The following CCDC171 variants were observed in gnomAD, a reference collection of about 807,000 sequenced individuals.
The protein encoded by CCDC171 is coiled-coil domain-containing protein 171.
In CCDC171, 177 loss-of-function variants were observed where a neutral mutation model predicts 168.2. That is an observed-to-expected ratio of 1.05 (90% confidence interval 0.93 to 1.19). The LOEUF (loss-of-function observed/expected upper bound fraction) is 1.19, where lower values mean the gene tolerates loss of function less well. Among genes scored for constraint, CCDC171 ranks in the 50% most tolerant of loss-of-function variants. The pLI, the probability that CCDC171 is intolerant of heterozygous loss-of-function variation, is 0.00. For missense variants in CCDC171, 1,991 were observed against 1,539.0 expected, an observed-to-expected ratio of 1.29 and a Z score of -4.91; for synonymous variants, 687 against 540.8, an observed-to-expected ratio of 1.27 and a Z score of -3.75.
chr9:15,919,751 A>G (rs1355599132), intron 24 of CCDC171, among the ~76,000 whole-genome samples: 3 of 151,652 alleles, frequency 2.0e-5, no homozygotes, highest in African/African-American at 4.8e-5. Context: ...TGTTACATGA[A>G]TCAACATAAT....
chr9:15,856,066 A>G (rs1311165350), intron 23 of CCDC171, among the ~76,000 whole-genome samples: 1 of 150,222 alleles, frequency 6.7e-6, no homozygotes, highest in East Asian at 2.0e-4. Context: ...TCATTTCAGG[A>G]CTCCCTTTAG....
At chr9:15,709,768 G>T (rs1053181992) in intron 11 of CCDC171, among the ~76,000 whole-genome samples, 1 of 152,072 alleles carries the variant, frequency 6.6e-6, no homozygotes, top group African/African-American at 2.4e-5. Context: ...CCTCAGTAAA[G>T]TTTACTTCAA....
chr9:15,827,962 G>T (rs2060082428), intron 21 of CCDC171, among the ~76,000 whole-genome samples: 1 of 152,184 alleles, frequency 6.6e-6, no homozygotes. Context: ...AAAATCTGAG[G>T]TGAGGACCTT....
At chr9:15,665,936 T>A (rs1385567243) in intron 8 of CCDC171, among the ~76,000 whole-genome samples, 1 of 152,232 alleles carries the variant, frequency 6.6e-6, no homozygotes, top group Non-Finnish European at 1.5e-5. Flanking sequence ...CAGCCTATCT[T>A]TCATAACACA....
At position 15,631,246 on chromosome 9, in the gene CCDC171, A is replaced by C. The variant is rs188171788; in HGVS notation, c.822+7833A>C. Among the ~76,000 whole-genome samples the C allele has an allele frequency of 6.4e-4, 97 of 152,062 alleles. 1 individual carries two copies. The highest frequency in any genetic ancestry group is 1.0e-3 in the Admixed American group (16 of 15,256). On this transcript the variant is annotated intron_variant, in intron 7 of 25. Coordinates refer to ENST00000380701, the MANE Select transcript of CCDC171 (RefSeq NM_173550.4). ...ATGAATCCAGAAGCTGGTTTTTTGA[A>C]AAGATCAACAAAATTGATAGACAGC...
intron 6 of CCDC171, among the ~76,000 whole-genome samples, chr9:15,617,955 A>C (rs1423299847): frequency 6.6e-6 from 1 of 152,118 alleles, no homozygotes; most frequent in African/African-American, 2.4e-5. Context: ...CCCTATTGGG[A>C]GGTCTCTCCC....
At chr9:15,690,047 A>G (rs1437231571) in intron 10 of CCDC171, among the ~76,000 whole-genome samples, 2 of 152,216 alleles carry the variant, frequency 1.3e-5, no homozygotes, top group African/African-American at 4.8e-5. Flanking sequence ...CGACAGAGGG[A>G]AACTCCATCT....
In CCDC171 at chr9:15,805,010, C is replaced by A. The variant is rs532730637; in HGVS notation, c.3267+20316C>A. 1.4e-3 allele frequency among the ~76,000 whole-genome samples: 215 copies of A among 151,738 alleles called. 1 individual carries two copies. The highest frequency in any genetic ancestry group is 5.0e-3 in the African/African-American group (206 of 41,146). Reference sequence around the variant, plus strand: ...GGGTATATGTGTCAAGGAATTTATCCATTTCTTCTAGATTTTCTAGTTTAT... The same window carrying A: ...GGGTATATGTGTCAAGGAATTTATCAATTTCTTCTAGATTTTCTAGTTTAT... On this transcript the variant is annotated intron_variant, in intron 21 of 25. Coordinates refer to ENST00000380701, the MANE Select transcript of CCDC171 (RefSeq NM_173550.4).
Position 15,744,412 on chromosome 9 carries a change from C to T in CCDC171, c.2189C>T (p.Ala730Val). The T allele has an allele frequency of 6.2e-7, 1 of 1,614,148 alleles. No homozygotes were observed. Among genetic ancestry groups the T allele is most frequent in the African/African-American group, 1.3e-5 (1 of 75,054 alleles). The change falls in exon 17 of 26, where the codon GCC becomes GTC. Residue 730 changes from alanine (A) to valine (V), a missense_variant. By Grantham distance (64) the Ala-to-Val change is moderately conservative. Transcript: ENST00000380701. The stretch of plus-strand genomic sequence containing the variant: ...AGGGAACAGATGTCCTTGCTGGCAG[C>T]CTGTGCATTAATGGCTGGTGCCTTA... ...TQREQMSLLAACALMAGALYP... is the reference protein window; with the variant it reads ...TQREQMSLLAVCALMAGALYP...
chr9:15,665,608 C>G (rs1437734806), intron 8 of CCDC171, among the ~76,000 whole-genome samples: 1 of 152,018 alleles, frequency 6.6e-6, no homozygotes, highest in Admixed American at 6.6e-5. Context: ...TAGCAAGGCC[C>G]TATCTCTACA....
chr9:15,612,288 A>T (rs2043756223), intron 6 of CCDC171, among the ~76,000 whole-genome samples: 1 of 152,202 alleles, frequency 6.6e-6, no homozygotes, highest in Non-Finnish European at 1.5e-5. Flanking sequence ...AGAAAAGATG[A>T]AAAAGCTGAA....
At chr9:16,082,223 T>C in the CCDC171 span, among the ~76,000 whole-genome samples, 6 of 152,218 alleles carry the variant, frequency 3.9e-5, no homozygotes, top group Admixed American at 3.9e-4. Flanking sequence ...AATGTAAATA[T>C]GCTTTGTAAT....
chr9:15,621,890 T>C (rs2132042030), intron 6 of CCDC171, among the ~76,000 whole-genome samples: 2 of 152,342 alleles, frequency 1.3e-5, no homozygotes, highest in South Asian at 2.1e-4. Flanking sequence ...TAAATGCTTA[T>C]CAGTGTTAGA....
In CCDC171 at chr9:15,657,543, T is replaced by C. The variant is rs150532709; in HGVS notation, c.915+324T>C. 7.5e-4 allele frequency among the ~76,000 whole-genome samples: 115 copies of C among 152,318 alleles called. 3 individuals carry two copies. Among genetic ancestry groups the C allele is most frequent in the African/African-American group, 2.6e-3 (109 of 41,584 alleles). ...GCAGTCTGCAAAGAAATTTGCAGAT[T>C]GGAGTGTTCTTTTACGGCTGTGGGA... On this transcript the variant is annotated intron_variant, in intron 8 of 25. Coordinates refer to ENST00000380701, the MANE Select transcript of CCDC171 (RefSeq NM_173550.4).
At chr9:16,001,870 C>G (rs1450719008) in intron 3 of CCDC171, among the ~76,000 whole-genome samples, 1 of 144,360 alleles carries the variant, frequency 6.9e-6, no homozygotes, top group Non-Finnish European at 1.5e-5. Context: ...CAGTGTCTCG[C>G]TCTGTCACCC....
intron 6 of CCDC171, among the ~76,000 whole-genome samples, chr9:15,597,500 T>G (rs993520080): frequency 1.3e-5 from 2 of 152,194 alleles, no homozygotes; most frequent in Non-Finnish European, 2.9e-5. Flanking sequence ...GAAGCCTACT[T>G]GATCATGGTG....
At chr9:15,794,701 A>G (rs2058462052) in intron 21 of CCDC171, among the ~76,000 whole-genome samples, 1 of 152,224 alleles carries the variant, frequency 6.6e-6, no homozygotes, top group Non-Finnish European at 1.5e-5. Flanking sequence ...AACATGTGAT[A>G]CAGATGGCAT....
rs12004701 is a variant in CCDC171 at position 15,993,510 on chromosome 9, G to A, written n.369-27079G>A. ...AAAACCCTAGAAAAAAACCTAGGCA[G>A]TACCATTCAGGACATAGGCATGGGC... On this transcript the variant is annotated intron_variant and non_coding_transcript_variant, in intron 3 of 9. Transcript: ENST00000486641. 1.3e-4 allele frequency among the ~76,000 whole-genome samples: 20 copies of A among 152,064 alleles called. No homozygotes were observed. The South Asian group carries it at 2.3e-3, about 17-fold the overall frequency.
chr9:15,672,008 C>A (rs1359467868), intron 9 of CCDC171, among the ~76,000 whole-genome samples: 1 of 152,148 alleles, frequency 6.6e-6, no homozygotes, highest in African/African-American at 2.4e-5. Context: ...CTCTCCAGCA[C>A]CTGTTGTTTC....
Sources: allele counts gnomAD v4.1 joint callset (sites outside exome capture counted in the v4.1 genomes callset), GRCh38; gene constraint gnomAD v4.1.1; transcripts MANE v1.5; gene names NCBI Gene and HGNC (gene_info 2026-07-23, HGNC 2026-07-21).